LTF: variants seen among roughly 807,000 people sequenced by gnomAD.
The protein encoded by LTF is lactotransferrin, also known as epididymis luminal protein 110.
A neutral mutation model predicts 87.2 loss-of-function variants in LTF; 91 were observed. The observed-to-expected ratio is 1.04, with a 90% CI of 0.88 to 1.24. LTF has a LOEUF of 1.24. LTF is among the 50% of genes most tolerant of loss of function. The pLI is 0.00. For synonymous variants in LTF, 378 were observed against 356.1 expected (o/e 1.06, Z -0.69); for missense variants, 901 against 904.3 (o/e 1.00, Z 0.05).
rs759552601 is a variant in LTF, at chr3:46,441,485, T to A, written c.1656-2A>T. On this transcript the variant is annotated splice_acceptor_variant, in intron 13 of 16. Transcript: ENST00000231751. LOFTEE classifies it high-confidence loss of function. Reference sequence around the variant, plus strand: ...TCTCCAGCATTCTCAGCCAGGCACCTAAAATGTTCCAGAAAATATACACAT... The same window carrying A: ...TCTCCAGCATTCTCAGCCAGGCACCAAAAATGTTCCAGAAAATATACACAT... 1.2e-6 allele frequency: 2 copies of A among 1,611,902 alleles called. No individual in the cohort carries two copies.
At chr3:46,439,770 G>A (rs755281780) in intron 14 of LTF, among the ~76,000 whole-genome samples, 1 of 152,232 alleles carries the variant, frequency 6.6e-6, no homozygotes, top group Non-Finnish European at 1.5e-5. Context: ...AGTGAAAGAA[G>A]CCAGTCACAA....
chr3:46,438,787 T>C (rs752519163), intron 15 of LTF, among the ~76,000 whole-genome samples: 1 of 152,176 alleles, frequency 6.6e-6, no homozygotes, highest in Non-Finnish European at 1.5e-5. Flanking sequence ...AAATAGAAGT[T>C]CTAATAAAAT....
chr3:46,449,725 C>G (rs1307746356), intron 8 of LTF, 129 bp downstream of exon 8: 18 of 946,556 alleles, frequency 1.9e-5, no homozygotes, highest in Non-Finnish European at 2.6e-5. Context: ...GACACTCACA[C>G]CTGCATCAAA....
intron 4 of LTF, 81 bp from the exon 5 acceptor site, chr3:46,455,523 C>G: frequency 3.2e-6 from 5 of 1,547,474 alleles, no homozygotes; most frequent in Non-Finnish European, 4.4e-6. Flanking sequence ...CTGAGGTCTC[C>G]GTGGGCAAGG....
chr3:46,474,605 A>G (rs1703336011), intron 1 of LTF, among the ~76,000 whole-genome samples: 2 of 152,210 alleles, frequency 1.3e-5, no homozygotes, highest in African/African-American at 4.8e-5. Context: ...AGCAGAACTG[A>G]ATCAACATTT....
rs1485693325 is a variant in LTF, at chr3:46,482,572, A to G, written c.-320+2414T>C. 6.9e-3 allele frequency among the ~76,000 whole-genome samples: 820 copies of G among 119,044 alleles called. 175 individuals are homozygous for G. Among genetic ancestry groups the G allele is most frequent in the South Asian group, 0.011 (37 of 3,484 alleles). The allele number at this position is 119,044 out of a possible 152,430, so 78.1% of individuals were successfully genotyped here. On this transcript the variant is annotated intron_variant, in intron 1 of 19. Transcript: ENST00000443496. ...AGGGAAGGGAAGGGAAGGGAAGGGA[A>G]AGGAAAGGAAGGGAGAAAGAGAGAG...
intron 12 of LTF, among the ~76,000 whole-genome samples, chr3:46,444,282 T>C (rs72622926): frequency 0.19 from 29,473 of 152,142 alleles, 3,049 homozygotes; most frequent in East Asian, 0.45. Context: ...GACCCCATAT[T>C]GTCTTCATAC....
Position 46,463,886 on chromosome 3 carries a change from G to A in LTF, c.43+939C>T, listed in dbSNP as rs553219858. On this transcript the variant is annotated intron_variant, in intron 1 of 16. Coordinates refer to ENST00000231751, the MANE Select transcript of LTF (RefSeq NM_002343.6). ...CAGGAGACCAGAAGGGCAGGGACAA[G>A]GATGGGTTTGGGCTCCCACTGCTGC... 8.5e-5 allele frequency among the ~76,000 whole-genome samples: 13 copies of A among 152,352 alleles called. 1 individual carries two copies. The highest frequency in any genetic ancestry group is 8.5e-4 in the Admixed American group (13 of 15,310).
chr3:46,463,402 A>C (rs1194293474), intron 1 of LTF: 1 of 939,170 alleles, frequency 1.1e-6, no homozygotes. Flanking sequence ...AGACTCCTCC[A>C]CCCAATGCTC....
intron 12 of LTF, 41 bp downstream of exon 12, chr3:46,445,240 C>G: frequency 6.4e-7 from 1 of 1,572,466 alleles, no homozygotes; most frequent in Non-Finnish European, 8.6e-7. Flanking sequence ...TATGCCTACC[C>G]TCCAGGGTGG....
intron 1 of LTF, among the ~76,000 whole-genome samples, chr3:46,482,854 G>A (rs934248833): frequency 6.6e-6 from 1 of 151,632 alleles, no homozygotes; most frequent in Non-Finnish European, 1.5e-5. Context: ...AGGGACAAGA[G>A]ACAGACAGAG....
chr3:46,443,441 C>G lies in LTF; in HGVS notation c.1655G>C (p.Arg552Pro). Residue 552 changes from arginine (R) to proline (P), a missense_variant and splice_region_variant, in exon 13 of 17, where the codon CGG (arginine) becomes CCG (proline). By Grantham distance (103) the Arg-to-Pro change is moderately radical. Transcript: ENST00000231751. ...ERYYGYTGAF[R>P]CLAENAGDVA... is the part of the protein sequence containing the mutation. The stretch of plus-strand genomic sequence containing the variant: ...TGATGGAGCTCAGTCACAGACTCAC[C>G]GGAAAGCCCCAGTGTAGCCGTAGTA... 1 of 1,614,068 alleles carries G rather than the reference C, an allele frequency of 6.2e-7. No homozygotes were observed.
At chr3:46,446,568 A>G (rs779504105) in intron 10 of LTF, 75 bp from the exon 11 acceptor site, 7 of 1,247,548 alleles carry the variant, frequency 5.6e-6, no homozygotes, top group Admixed American at 3.6e-5. Context: ...TTAAATCTCA[A>G]TGATGCAGAA....
chr3:46,441,809 C>G (rs763664724), intron 13 of LTF: 1 of 243,094 alleles, frequency 4.1e-6, no homozygotes, highest in Non-Finnish European at 7.9e-6. Context: ...GTGCAGGCGG[C>G]CTACACAGCA....
chr3:46,457,968 T>C (rs1432782615), intron 2 of LTF, among the ~76,000 whole-genome samples: 3 of 151,068 alleles, frequency 2.0e-5, no homozygotes, highest in Non-Finnish European at 4.4e-5. Context: ...GTATGTTTAG[T>C]AGAGATGGGG....
rs542125560 is a variant in LTF, at chr3:46,455,373, C to T, written c.569G>A (p.Arg190His). 6.9e-5 allele frequency: 112 copies of T among 1,614,200 alleles called. No homozygotes were observed. The South Asian group carries it at 8.6e-4, about 12-fold the overall frequency. The stretch of plus-strand genomic sequence containing the variant: ...GTTTTCCCCTGTCCCCGCACACAGG[C>T]GACACAGGTTGGGGAACTGTCCTTT... ...ADKGQFPNLC[R>H]LCAGTGENKC... Residue 190 changes from arginine to histidine, a missense_variant, in exon 5 of 17, where the codon CGC becomes CAC. Transcript: ENST00000231751.
At position 46,472,778 on chromosome 3, in the gene LTF, T is replaced by C. The variant is rs114106143; in HGVS notation, c.-319-2312A>G. Among the ~76,000 whole-genome samples, 1,289 of 152,182 alleles carry C rather than the reference T, an allele frequency of 8.5e-3. 11 individuals carry two copies. Among genetic ancestry groups the C allele is most frequent in the Middle Eastern group, 0.017 (5 of 294 alleles). On this transcript the variant is annotated intron_variant, in intron 1 of 19. Transcript: ENST00000443496. ...CAATGCCTCTGAACCAATAATGTTG[T>C]TGCTAAATGTTGCCCCATTTGTGAA... is the stretch of plus-strand genomic sequence containing the variant.
At chr3:46,473,263 C>T (rs1440627160) in intron 1 of LTF, among the ~76,000 whole-genome samples, 2 of 152,180 alleles carry the variant, frequency 1.3e-5, no homozygotes, top group Non-Finnish European at 2.9e-5. Context: ...CCTCAATCTC[C>T]TTCCTCCTTT....
intron 2 of LTF, 148 bp downstream of exon 2, chr3:46,459,508 C>T (rs1398590352): frequency 2.9e-6 from 2 of 699,660 alleles, no homozygotes; most frequent in African/African-American, 1.8e-5. Context: ...CTGAAAATAG[C>T]ACAGTTCCCT....
Sources: gnomAD v4.1 joint callset for allele counts (sites outside exome capture counted in the v4.1 genomes callset) on GRCh38, gnomAD v4.1.1 for gene constraint, MANE v1.5 for transcripts, NCBI Gene and HGNC (gene_info 2026-07-23, HGNC 2026-07-21) for gene names.